The following RAB43 variants were observed in gnomAD, a reference collection of about 807,000 sequenced individuals.
The protein encoded by RAB43 is RAB43, member RAS oncogene family.
In RAB43, 6 loss-of-function variants were observed where a neutral mutation model predicts 18.8. The ratio of observed to expected loss-of-function variants is 0.32; its 90% CI spans 0.17 to 0.63. RAB43 has a LOEUF of 0.63. Among genes scored for constraint, RAB43 ranks in the 30% least tolerant of loss-of-function variants. The pLI is 0.79. For synonymous variants in RAB43, 103 were observed against 124.1 expected (o/e 0.83, Z 1.13); for missense variants, 195 against 289.1 (o/e 0.67, Z 2.36).
Position 129,095,855 on chromosome 3 carries a change from G to C in RAB43, c.205-686C>G, listed in dbSNP as rs1934014434. Among the ~76,000 whole-genome samples, 1 of 152,230 alleles carries C rather than the reference G, an allele frequency of 6.6e-6. No homozygotes were observed. The highest frequency in any genetic ancestry group is 1.5e-5 in the Non-Finnish European group (1 of 68,034). On this transcript the variant is annotated intron_variant, in intron 1 of 2. Transcript: ENST00000315150. The surrounding 1 kb of genome is among the most constrained non-coding windows in gnomAD (Gnocchi z 4.2). ...GTGGAGAAGAGGTGCCCATGGGTGG[G>C]AGGAGCTTCCCTAGTGTCTTTTAGA...
intron 1 of RAB43, among the ~76,000 whole-genome samples, chr3:129,120,106 C>G (rs1274332936): frequency 6.6e-6 from 1 of 152,160 alleles, no homozygotes; most frequent in Admixed American, 6.5e-5. Context: ...TAATAAAACC[C>G]CTCAGGCAGG....
In RAB43 at chr3:129,121,584, G is replaced by C. The variant is rs193116931; in HGVS notation, c.-95C>G. On this transcript the variant is annotated 5_prime_UTR_variant, in exon 1 of 3. Coordinates refer to ENST00000315150, the MANE Select transcript of RAB43 (RefSeq NM_198490.3). Reference sequence around the variant, plus strand: ...CCGAGCTCCGCCCGCTCCAGCCCACGGGCCGCCTGGCTACGTGGAGCCGCC... The same window carrying C: ...CCGAGCTCCGCCCGCTCCAGCCCACCGGCCGCCTGGCTACGTGGAGCCGCC... 3.9e-3 allele frequency: 4,160 copies of C among 1,071,682 alleles called. 210 individuals are homozygous for C. The East Asian group carries it at 0.1, about 27-fold the overall frequency. 66.4% of individuals were successfully genotyped at this position (1,071,682 alleles called of 1,614,324 possible). A position where few individuals can be genotyped will look rare whatever the true frequency, so the allele number is the denominator to read the frequency against.
rs1428462482 is a variant in RAB43 at position 129,090,396 on chromosome 3, CAG to C, written c.*698_*699del. On this transcript the variant is annotated 3_prime_UTR_variant, in exon 3 of 3. Coordinates refer to ENST00000315150, the MANE Select transcript of RAB43 (RefSeq NM_198490.3). ...GGCAAAACACTGGGCCCTGAGCCAG[CAG>C]ACAGTCCCCACCTAGCTGTGGGCCG... 3.5e-5 allele frequency: 5 copies of C among 142,694 alleles called. No homozygotes were observed. The highest frequency in any genetic ancestry group is 7.6e-5 in the Non-Finnish European group (5 of 65,526). 8.8% of individuals were successfully genotyped at this position (142,694 alleles called of 1,614,324 possible).
Position 129,121,672 on chromosome 3 carries a change from G to A in RAB43, c.-183C>T. The stretch of plus-strand genomic sequence containing the variant: ...TCGGCCTCGGCCCCGCCCCACCCCG[G>A]CTGGCTCCCGCCCCGGCCCGGCTCG... On this transcript the variant is annotated 5_prime_UTR_variant, in exon 1 of 3. Transcript: ENST00000315150. The A allele has an allele frequency of 2.4e-6, 1 of 413,316 alleles. No individual in the cohort carries two copies. The highest frequency in any genetic ancestry group is 4.1e-6 in the Non-Finnish European group (1 of 243,524). The allele number at this position is 413,316 out of a possible 1,614,324, so 25.6% of individuals were successfully genotyped here.
rs1933567366 is a variant in RAB43 at position 129,090,398 on chromosome 3, GAC to G, written c.*696_*697del. ...CAAAACACTGGGCCCTGAGCCAGCAGACAGTCCCCACCTAGCTGTGGGCCGTG... is the reference window on the plus strand; with the variant it reads ...CAAAACACTGGGCCCTGAGCCAGCAGAGTCCCCACCTAGCTGTGGGCCGTG... On this transcript the variant is annotated 3_prime_UTR_variant, in exon 3 of 3. Transcript: ENST00000315150. The G allele has an allele frequency of 7.0e-6, 1 of 142,836 alleles. No homozygotes were observed. The highest frequency in any genetic ancestry group is 2.6e-5 in the African/African-American group (1 of 37,996). The allele number at this position is 142,836 out of a possible 1,614,324, so 8.8% of individuals were successfully genotyped here.
intron 1 of RAB43, among the ~76,000 whole-genome samples, chr3:129,119,729 C>T (rs560766350): frequency 2.0e-5 from 3 of 152,184 alleles, no homozygotes; most frequent in Non-Finnish European, 4.4e-5. Context: ...TTGCATAACC[C>T]GTGCGCAGTA....
At chr3:129,092,603 T>C (rs1306940758) in intron 2 of RAB43, 2 of 659,562 alleles carry the variant, frequency 3.0e-6, no homozygotes, top group African/African-American at 3.6e-5. Flanking sequence ...TCTAAAAATA[T>C]ATGTATGTAT....
chr3:129,121,541 G>A lies in RAB43; in HGVS notation c.-52C>T, dbSNP rs1159824820. 2.1e-6 allele frequency: 3 copies of A among 1,459,446 alleles called. No homozygotes were observed. Among genetic ancestry groups the A allele is most frequent in the Non-Finnish European group, 2.7e-6 (3 of 1,091,274 alleles). 90.4% of individuals were successfully genotyped at this position (1,459,446 alleles called of 1,614,324 possible). A position where few individuals can be genotyped will look rare whatever the true frequency, so the allele number is the denominator to read the frequency against. On this transcript the variant is annotated 5_prime_UTR_variant, in exon 1 of 3. Transcript: ENST00000315150. The stretch of plus-strand genomic sequence containing the variant: ...GCTCTGGACGCTGGGACCGGCCTGA[G>A]CTCACGCAAGCCGCGGGCCGAGCTC...
rs1001268342 is a variant in RAB43, at chr3:129,107,583, G to T, written c.205-12414C>A. 4.6e-5 allele frequency among the ~76,000 whole-genome samples: 7 copies of T among 152,070 alleles called. No homozygotes were observed. The highest frequency in any genetic ancestry group is 4.6e-4 in the Admixed American group (7 of 15,274). ...GCGGTGGGCACCGCTCAGCTGGGGG[G>T]CCCATCAGGAAGGGTTTTCAGCAAA... is the stretch of plus-strand genomic sequence containing the variant. On this transcript the variant is annotated intron_variant, in intron 1 of 2. Coordinates refer to ENST00000315150, the MANE Select transcript of RAB43 (RefSeq NM_198490.3). This position sits in a 1 kb window ranked among gnomAD's most constrained non-coding sequence, Gnocchi z 4.2.
intron 2 of RAB43, chr3:129,092,739 G>C: frequency 2.6e-6 from 1 of 389,784 alleles, no homozygotes; most frequent in Non-Finnish European, 4.6e-6. Context: ...GGTGGATCAC[G>C]AGGTCAGGAA....
chr3:129,110,833 C>A (rs544726278), intron 1 of RAB43, among the ~76,000 whole-genome samples: 83 of 151,532 alleles, frequency 5.5e-4, no homozygotes, highest in Admixed American at 2.0e-3. Context: ...ACAAAAAAAA[C>A]ACTGAATCAC....
intron 1 of RAB43, among the ~76,000 whole-genome samples, chr3:129,103,569 C>CTT (rs772491871): frequency 1.4e-5 from 2 of 142,764 alleles, no homozygotes; most frequent in Admixed American, 1.4e-4. Flanking sequence ...CCCATCTATG[C>CTT]TTTTTTTTTT....
At chr3:129,099,616 C>T (rs968283431) in intron 1 of RAB43, among the ~76,000 whole-genome samples, 1 of 148,536 alleles carries the variant, frequency 6.7e-6, no homozygotes, top group African/African-American at 2.5e-5. Context: ...GAACTCCCGA[C>T]CTCAGGTGAT....
chr3:129,102,427 G>A (rs1213481792), intron 1 of RAB43, among the ~76,000 whole-genome samples: 2 of 151,946 alleles, frequency 1.3e-5, no homozygotes, highest in Non-Finnish European at 2.9e-5. Flanking sequence ...TCAGGAGATC[G>A]AGACCGTCCT....
Position 129,091,218 on chromosome 3 carries a change from A to G in RAB43, c.517T>C (p.Phe173Leu). ...AKDSSNVEEA[F>L]LRVATELIMR... ...ATGAGCTCCGTGGCCACCCTCAGGA[A>G]GGCCTCCTCCACGTTGCTCGAGTCC... Residue 173 changes from phenylalanine to leucine, a missense_variant, in exon 3 of 3, where the codon TTC (phenylalanine) becomes CTC (leucine). Phe to Leu is a conservative substitution (Grantham distance 22, BLOSUM62 0). Transcript: ENST00000315150. The G allele has an allele frequency of 1.3e-6, 2 of 1,591,654 alleles. No individual in the cohort carries two copies. Among genetic ancestry groups the G allele is most frequent in the Non-Finnish European group, 1.7e-6 (2 of 1,166,408 alleles).
chr3:129,096,655 G>T (rs982356005), intron 1 of RAB43, among the ~76,000 whole-genome samples: 3 of 152,120 alleles, frequency 2.0e-5, no homozygotes, highest in Non-Finnish European at 4.4e-5. Flanking sequence ...ATGGAACAAG[G>T]AAAGAATAGT....
chr3:129,116,215 T>C (rs1275751257), intron 1 of RAB43, among the ~76,000 whole-genome samples: 2 of 152,220 alleles, frequency 1.3e-5, no homozygotes, highest in Non-Finnish European at 2.9e-5. Flanking sequence ...TCTTAGAACA[T>C]ATCCATTGAG....
chr3:129,091,361 CG>C lies in RAB43; in HGVS notation c.389-16del. 6.2e-7 allele frequency: 1 copy of C among 1,604,744 alleles called. No homozygotes were observed. Among genetic ancestry groups the C allele is most frequent in the Non-Finnish European group, 8.5e-7 (1 of 1,175,368 alleles). ...TGACTTGTTCCCTGCGGAGGAAAGC[CG>C]GGGCAGCATGAGGCCATGGGGGCTG... On this transcript the variant is annotated splice_polypyrimidine_tract_variant and intron_variant, in intron 2 of 2. Coordinates refer to ENST00000315150, the MANE Select transcript of RAB43 (RefSeq NM_198490.3).
chr3:129,095,419 AC>A lies in RAB43; in HGVS notation c.205-251del, dbSNP rs1415491627. ...GGAGGAAGGGGTACACTCTGAGCTG[AC>A]CCAGGTCCTCCGCGTGCCCCTCCGT... On this transcript the variant is annotated intron_variant, in intron 1 of 2. Transcript: ENST00000315150. This position sits in a 1 kb window ranked among gnomAD's most constrained non-coding sequence, Gnocchi z 4.2. Among the ~76,000 whole-genome samples the A allele has an allele frequency of 6.6e-6, 1 of 152,134 alleles. No homozygotes were observed. The highest frequency in any genetic ancestry group is 1.9e-4 in the East Asian group (1 of 5,186).
Sources: allele counts gnomAD v4.1 joint callset (sites outside exome capture counted in the v4.1 genomes callset), GRCh38; gene constraint gnomAD v4.1.1; non-coding constraint Gnocchi (gnomAD v3.1); transcripts MANE v1.5; gene names NCBI Gene and HGNC (gene_info 2026-07-23, HGNC 2026-07-21).